The following MYOM2 variants were observed in gnomAD, a reference collection of about 807,000 sequenced individuals.
MYOM2 encodes the protein myomesin 2.
Under a neutral mutation model 187.6 loss-of-function variants are expected in MYOM2, and 254 were observed. That is an observed-to-expected ratio of 1.35 (90% CI 1.22 to 1.50). The LOEUF is 1.50. Among genes scored for constraint, MYOM2 ranks in the 40% most tolerant of loss-of-function variants. MYOM2 has a pLI of 0.00. For synonymous variants in MYOM2, 981 were observed against 753.8 expected (o/e 1.30, Z -4.94); for missense variants, 2,796 against 1,924.0 (o/e 1.45, Z -8.48).
chr8:2,121,556 G>A (rs1018040931), intron 28 of MYOM2, among the ~76,000 whole-genome samples: 1 of 152,156 alleles, frequency 6.6e-6, no homozygotes, highest in Non-Finnish European at 1.5e-5. Flanking sequence ...TTGTGTCCCT[G>A]TCAAGCCTGT....
intron 6 of MYOM2, among the ~76,000 whole-genome samples, chr8:2,064,567 G>C (rs1048156717): frequency 6.6e-6 from 1 of 152,174 alleles, no homozygotes; most frequent in Non-Finnish European, 1.5e-5. Flanking sequence ...GCGGATGGAG[G>C]GCTTCTTCCC....
chr8:2,082,154 G>A (rs1222304622), intron 13 of MYOM2: 1 of 152,184 alleles, frequency 6.6e-6, no homozygotes, highest in Admixed American at 6.5e-5. Flanking sequence ...GCATTGAACA[G>A]GCAATTTCCA....
At chr8:2,083,896 C>T (rs1304977103) in intron 13 of MYOM2, among the ~76,000 whole-genome samples, 1 of 152,236 alleles carries the variant, frequency 6.6e-6, no homozygotes, top group Non-Finnish European at 1.5e-5. Context: ...TCTCACTCCA[C>T]TTTCTCGGGG....
rs1438909546 is a variant in MYOM2 at position 2,086,296 on chromosome 8, CCGCG to C, written c.1644+907_1644+910del. 1.3e-4 allele frequency among the ~76,000 whole-genome samples: 18 copies of C among 143,728 alleles called. 3 individuals carry two copies. Among genetic ancestry groups the C allele is most frequent in the African/African-American group, 3.6e-4 (14 of 39,080 alleles). The allele number at this position is 143,728 out of a possible 152,430, so 94.3% of individuals were successfully genotyped here. A position where few individuals can be genotyped will look rare whatever the true frequency, so the allele number is the denominator to read the frequency against. On this transcript the variant is annotated intron_variant, in intron 14 of 36. Transcript: ENST00000262113. ...CTCTGGCACCCCACTGTCGTGATCT[CCGCG>C]TGGCCCCCCACAGTCGTGATCTCTG...
At chr8:2,142,535 C>A (rs1200848356) in intron 35 of MYOM2, 138 bp downstream of exon 35, 3 of 839,182 alleles carry the variant, frequency 3.6e-6, no homozygotes, top group Middle Eastern at 5.0e-4. Flanking sequence ...GCCACCAACA[C>A]CACACCCTGT....
rs563008335 is a variant in MYOM2 at position 2,076,235 on chromosome 8, G to A, written c.1215G>A (p.Pro405=). 25 of 1,613,634 alleles carry A rather than the reference G, an allele frequency of 1.5e-5. 1 individual carries two copies. The highest frequency in any genetic ancestry group is 8.9e-5 in the East Asian group (4 of 44,872). Residue 405 remains proline, a synonymous_variant, in exon 11 of 37, where the codon CCG becomes CCA. Transcript: ENST00000262113. ...ACTACGTCATCGTGACCTGGAAGCCGCCCAACACCACCACTGAGAGCCCCG... is the reference window on the plus strand; with the variant it reads ...ACTACGTCATCGTGACCTGGAAGCCACCCAACACCACCACTGAGAGCCCCG... ...NRDYVIVTWK[P]PNTTTESPVM...
chr8:2,079,122 G>T (rs1022830809), intron 12 of MYOM2, among the ~76,000 whole-genome samples, 189 bp downstream of exon 12: 18 of 152,160 alleles, frequency 1.2e-4, no homozygotes, highest in African/African-American at 4.1e-4. Context: ...AAAACGGGCT[G>T]ACGTACACTC....
chr8:2,094,383 A>G (rs913880833), intron 17 of MYOM2, among the ~76,000 whole-genome samples: 2 of 152,212 alleles, frequency 1.3e-5, no homozygotes, highest in African/African-American at 4.8e-5. Flanking sequence ...GGCTGGCGCA[A>G]TGGCTCATGC....
rs1185136697 is a variant in MYOM2, at chr8:2,137,562, G to GATT, written c.3801-3161_3801-3160insATT. Among the ~76,000 whole-genome samples the GATT allele has an allele frequency of 3.8e-3, 551 of 145,474 alleles. 3 individuals are homozygous for GATT. The highest frequency in any genetic ancestry group is 0.014 in the African/African-American group (503 of 35,696). On this transcript the variant is annotated intron_variant, in intron 32 of 36. Transcript: ENST00000262113. ...ACACATAGCCAAGTTGGCTGTGCCTGGTTGTGTGTGTGTGTGTGTGCATTT... is the reference window on the plus strand; with the variant it reads ...ACACATAGCCAAGTTGGCTGTGCCTGATTGTTGTGTGTGTGTGTGTGTGCATTT...
chr8:2,102,848 T>G, intron 21 of MYOM2, 67 bp downstream of exon 21: 1 of 1,272,002 alleles, frequency 7.9e-7, no homozygotes, highest in East Asian at 2.4e-5. Flanking sequence ...GTATTATGGA[T>G]GTATGGATGA....
In MYOM2 at chr8:2,129,123, G is replaced by A. The variant is rs376130410; in HGVS notation, c.3695-4G>A. 30 of 1,595,970 alleles carry A rather than the reference G, an allele frequency of 1.9e-5. No homozygotes were observed. The highest frequency in any genetic ancestry group is 1.1e-4 in the East Asian group (5 of 44,532). ...TAGATCTGAGGATGTTTTATTTTCT[G>A]CAGGGAAATCTGCTTCGCCACTGAA... is the stretch of plus-strand genomic sequence containing the variant. On this transcript the variant is annotated splice_region_variant and splice_polypyrimidine_tract_variant and intron_variant, in intron 31 of 36. Transcript: ENST00000262113.
intron 8 of MYOM2, among the ~76,000 whole-genome samples, chr8:2,071,840 C>T (rs560319291): frequency 6.6e-6 from 1 of 152,282 alleles, no homozygotes; most frequent in Admixed American, 6.5e-5. Flanking sequence ...CACCTGCTCA[C>T]GGTGTCCTCA....
rs914054117 is a variant in MYOM2, at chr8:2,143,558, T to A, written c.4080+102T>A. ...CAGAGGGAACCCAGTGAGGGGCTTC[T>A]GTGTCCTCACTCAGCCTGCAGGGAA... On this transcript the variant is annotated intron_variant, in intron 36 of 36. Transcript: ENST00000262113. 9.9e-6 allele frequency: 14 copies of A among 1,411,980 alleles called. No individual in the cohort carries two copies. In the Admixed American group the frequency reaches 1.9e-4, roughly 20 times the overall value. The allele number at this position is 1,411,980 out of a possible 1,614,324, so 87.5% of individuals were successfully genotyped here.
At chr8:2,100,141 C>CTTCT (rs1554426981) in intron 19 of MYOM2, among the ~76,000 whole-genome samples, 10 of 109,046 alleles carry the variant, frequency 9.2e-5, no homozygotes, top group African/African-American at 2.7e-4. Flanking sequence ...TCCTTCCTTC[C>CTTCT]TTCCTTCCTT....
intron 8 of MYOM2, among the ~76,000 whole-genome samples, chr8:2,070,191 A>G (rs181763224): frequency 2.0e-5 from 3 of 152,336 alleles, no homozygotes; most frequent in Admixed American, 2.0e-4. Flanking sequence ...CAGCTTGTTT[A>G]TGGCTTGGGA....
At chr8:2,112,123 C>T (rs560391883) in intron 25 of MYOM2, among the ~76,000 whole-genome samples, 12 of 152,132 alleles carry the variant, frequency 7.9e-5, no homozygotes, top group Non-Finnish European at 1.6e-4. Flanking sequence ...CTGTACATCA[C>T]CTGTTGAATA....
At chr8:2,118,235 A>T (rs1797312239) in intron 28 of MYOM2, among the ~76,000 whole-genome samples, 1 of 152,226 alleles carries the variant, frequency 6.6e-6, no homozygotes, top group Admixed American at 6.5e-5. Flanking sequence ...AAGTGAGTTT[A>T]TGAGAAAGTG....
intron 36 of MYOM2, 32 bp downstream of exon 36, chr8:2,143,488 T>A (rs760901970): frequency 6.2e-7 from 1 of 1,613,068 alleles, no homozygotes; most frequent in Non-Finnish European, 8.5e-7. Flanking sequence ...GGGGTGGGGG[T>A]GTCAGCACGG....
intron 1 of MYOM2, among the ~76,000 whole-genome samples, chr8:2,046,740 C>T (rs987044590): frequency 2.1e-4 from 28 of 131,994 alleles, no homozygotes; most frequent in African/African-American, 6.9e-4. Flanking sequence ...TTCTCTCTCT[C>T]TTTCTTTTTT....
Sources: gnomAD v4.1 joint callset for allele counts (sites outside exome capture counted in the v4.1 genomes callset) on GRCh38, gnomAD v4.1.1 for gene constraint, MANE v1.5 for transcripts, NCBI Gene and HGNC (gene_info 2026-07-23, HGNC 2026-07-21) for gene names.